HERC6: variants seen among roughly 807,000 people sequenced by gnomAD.
The protein encoded by HERC6 is probable E3 ubiquitin-protein ligase HERC6.
HERC6 carries 101 observed loss-of-function variants against 114.5 expected under a neutral mutation model. The ratio of observed to expected loss-of-function variants is 0.88; its 90% CI spans 0.75 to 1.04. The LOEUF is 1.04. HERC6 is among the 50% of genes least tolerant of loss of function. The pLI is 0.00. For missense variants in HERC6, 1,133 were observed against 1,230.9 expected, an observed-to-expected ratio of 0.92 and a Z score of 1.19; for synonymous variants, 408 against 436.2, an observed-to-expected ratio of 0.94 and a Z score of 0.81.
At chr4:88,396,764 G>A (rs1037218039) in intron 6 of HERC6, 87 bp from the exon 7 acceptor site, 1 of 1,271,368 alleles carries the variant, frequency 7.9e-7, no homozygotes, top group East Asian at 2.6e-5. Context: ...GGCTTTTTGT[G>A]TTTGTTATTT....
chr4:88,411,511 G>A (rs986510360), intron 11 of HERC6, among the ~76,000 whole-genome samples: 2 of 152,124 alleles, frequency 1.3e-5, no homozygotes, highest in Non-Finnish European at 1.5e-5. Context: ...GAATTTTAAT[G>A]TAATAAAAAC....
intron 4 of HERC6, among the ~76,000 whole-genome samples, chr4:88,391,491 G>A (rs908656194): frequency 6.6e-6 from 1 of 152,196 alleles, no homozygotes; most frequent in African/African-American, 2.4e-5. Context: ...TAGGAAGTGG[G>A]AGACCATTAT....
chr4:88,381,783 C>G (rs537077448), intron 1 of HERC6, among the ~76,000 whole-genome samples: 160 of 152,088 alleles, frequency 1.1e-3, no homozygotes, highest in African/African-American at 3.7e-3. Flanking sequence ...GTCTCAAACT[C>G]CTGACCTCGT....
Position 88,405,619 on chromosome 4 carries a change from A to T in HERC6, c.1274+6A>T, listed in dbSNP as rs1735781709. On this transcript the variant is annotated splice_donor_region_variant and intron_variant, in intron 10 of 22. Coordinates refer to ENST00000264346, the MANE Select transcript of HERC6 (RefSeq NM_017912.4). Reference sequence around the variant, plus strand: ...GCAAGTTTTTTAAAGAAAAGGTAATACTTACATAAGATTTACCTTCATTTA... The same window carrying T: ...GCAAGTTTTTTAAAGAAAAGGTAATTCTTACATAAGATTTACCTTCATTTA... The T allele has an allele frequency of 3.5e-6, 5 of 1,427,596 alleles. 1 individual carries two copies. Among genetic ancestry groups the T allele is most frequent in the East Asian group, 4.7e-5 (2 of 42,224 alleles). The allele number at this position is 1,427,596 out of a possible 1,614,324, so 88.4% of individuals were successfully genotyped here. A position where few individuals can be genotyped will look rare whatever the true frequency, so the allele number is the denominator to read the frequency against.
Position 88,405,039 on chromosome 4 carries a change from C to G in HERC6, c.1214+42C>G, listed in dbSNP as rs1372840759. 5 of 1,593,300 alleles carry G rather than the reference C, an allele frequency of 3.1e-6. No individual in the cohort carries two copies. The Admixed American group carries it at 7.2e-5, about 23-fold the overall frequency. On this transcript the variant is annotated intron_variant, in intron 9 of 22. Coordinates refer to ENST00000264346, the MANE Select transcript of HERC6 (RefSeq NM_017912.4). The stretch of plus-strand genomic sequence containing the variant: ...AATTATAAGCCACTTTTATCTGGTT[C>G]TGGGGCTTTGGTCATTTTATCCTAA...
At chr4:88,406,550 T>C (rs912999402) in intron 10 of HERC6, among the ~76,000 whole-genome samples, 1 of 152,208 alleles carries the variant, frequency 6.6e-6, no homozygotes, top group Non-Finnish European at 1.5e-5. Context: ...TATGTGAAGA[T>C]TGTTTTCTTC....
rs541614293 is a variant in HERC6, at chr4:88,400,364, G to A, written c.1092+2155G>A. 9.2e-5 allele frequency among the ~76,000 whole-genome samples: 14 copies of A among 152,232 alleles called. No homozygotes were observed. In the South Asian group the frequency reaches 2.9e-3, roughly 32 times the overall value. ...CTACAGGCGCACACCACAATGCCCA[G>A]CTGGTTTTTTTTTGTAGAGACGGCG... On this transcript the variant is annotated intron_variant, in intron 8 of 22. Transcript: ENST00000264346.
In HERC6 at chr4:88,435,830, A is replaced by G. The variant is rs566265147; in HGVS notation, c.2356A>G (p.Lys786Glu). 3.1e-6 allele frequency: 5 copies of G among 1,612,526 alleles called. No individual in the cohort carries two copies. Among genetic ancestry groups the G allele is most frequent in the Admixed American group, 1.7e-5 (1 of 59,840 alleles). ...NLPFPLALYK[K>E]LLDQKPSLED... ...TCCTTTCCCACTGGCTCTGTATAAA[A>G]AACTTCTGGACCAAAAGCCATCATT... Residue 786 changes from lysine (K) to glutamate (E), a missense_variant, in exon 18 of 23, where the codon AAA becomes GAA. Transcript: ENST00000264346.
At position 88,411,306 on chromosome 4, in the gene HERC6, C is replaced by T. The variant is rs760338704; in HGVS notation, c.1369-1771C>T. Among the ~76,000 whole-genome samples, 6 of 152,202 alleles carry T rather than the reference C, an allele frequency of 3.9e-5. No homozygotes were observed. In the East Asian group the frequency reaches 1.2e-3, roughly 29 times the overall value. ...TCTTAATGAGAAAACTTTGGGAACA[C>T]TCCCTACTATTATGGAGTCATGATA... On this transcript the variant is annotated intron_variant, in intron 11 of 22. Transcript: ENST00000264346.
Position 88,442,226 on chromosome 4 carries a change from C to A in HERC6, c.2843-8C>A. The A allele has an allele frequency of 1.9e-6, 3 of 1,592,846 alleles. No individual in the cohort carries two copies. The highest frequency in any genetic ancestry group is 2.6e-6 in the Non-Finnish European group (3 of 1,165,926). ...GAAATATCTTAACCAAATTTTATTC[C>A]TTTCTAGTTTTCCTTACAGGACGTG... is the stretch of plus-strand genomic sequence containing the variant. On this transcript the variant is annotated splice_region_variant and splice_polypyrimidine_tract_variant and intron_variant, in intron 22 of 22. Transcript: ENST00000264346.
intron 12 of HERC6, 114 bp from the exon 13 acceptor site, chr4:88,417,311 G>A (rs1736578835): frequency 2.1e-6 from 2 of 959,968 alleles, no homozygotes; most frequent in Non-Finnish European, 3.1e-6. Flanking sequence ...CATAAATTAT[G>A]CCATCAGAAA....
chr4:88,389,629 A>G (rs1734784391), intron 3 of HERC6, among the ~76,000 whole-genome samples: 1 of 151,926 alleles, frequency 6.6e-6, no homozygotes, highest in Admixed American at 6.6e-5. Context: ...CTGGAGGGAG[A>G]AGAGTGGACA....
At chr4:88,420,912 C>A (rs1477991629) in intron 13 of HERC6, among the ~76,000 whole-genome samples, 2 of 152,258 alleles carry the variant, frequency 1.3e-5, no homozygotes, top group Non-Finnish European at 2.9e-5. Context: ...AGCAGTCACT[C>A]CCCATTCCCC....
intron 4 of HERC6, among the ~76,000 whole-genome samples, chr4:88,392,808 AT>A (rs1203864285): frequency 2.4e-4 from 37 of 152,226 alleles, no homozygotes; most frequent in Non-Finnish European, 4.4e-4. Context: ...AGGGTGGCTT[AT>A]TTGAAGACGC....
chr4:88,383,102 T>G, intron 1 of HERC6, 119 bp from the exon 2 acceptor site: 6 of 1,274,378 alleles, frequency 4.7e-6, no homozygotes, highest in Non-Finnish European at 6.5e-6. Flanking sequence ...CAAAAGACCA[T>G]TGGAGGAGAC....
intron 8 of HERC6, among the ~76,000 whole-genome samples, chr4:88,401,651 G>A (rs1735553288): frequency 1.3e-5 from 2 of 152,162 alleles, no homozygotes; most frequent in South Asian, 4.1e-4. Context: ...GTGAAGGTAG[G>A]TTGATGGTGG....
intron 13 of HERC6, 81 bp downstream of exon 13, chr4:88,417,660 A>G: frequency 4.2e-6 from 5 of 1,192,296 alleles, no homozygotes; most frequent in Non-Finnish European, 5.8e-6. Context: ...GACTTCTAAG[A>G]AGTCAAATAA....
chr4:88,436,894 A>G lies in HERC6; in HGVS notation c.2418-11A>G. 1 of 1,585,384 alleles carries G rather than the reference A, an allele frequency of 6.3e-7. No individual in the cohort carries two copies. The highest frequency in any genetic ancestry group is 8.6e-7 in the Non-Finnish European group (1 of 1,165,758). On this transcript the variant is annotated splice_polypyrimidine_tract_variant and intron_variant, in intron 18 of 22. Transcript: ENST00000264346. ...AATAAATATAATTTTTAAAACCAAA[A>G]TCTTCATTAGGAGTTTGCAAGAAGT...
rs531847297 is a variant in HERC6, at chr4:88,385,445, C to T, written c.360-54C>T. The T allele has an allele frequency of 4.6e-4, 379 of 830,238 alleles. 2 individuals are homozygous for T. The highest frequency in any genetic ancestry group is 6.1e-4 in the Non-Finnish European group (315 of 520,600). The allele number at this position is 830,238 out of a possible 1,614,324, so 51.4% of individuals were successfully genotyped here. On this transcript the variant is annotated intron_variant, in intron 2 of 22. Transcript: ENST00000264346. ...ATACTTTTAAATATCTGTAGTCCAC[C>T]GGACAACTCGCTCTAAATAAGGATT...
Sources: gnomAD v4.1 joint callset for allele counts (sites outside exome capture counted in the v4.1 genomes callset) on GRCh38, gnomAD v4.1.1 for gene constraint, MANE v1.5 for transcripts, NCBI Gene and HGNC (gene_info 2026-07-23, HGNC 2026-07-21) for gene names.